SUGCT: variants seen among roughly 807,000 people sequenced by gnomAD.
SUGCT encodes the protein succinyl-CoA:glutarate-CoA transferase.
Under a neutral mutation model 55.0 loss-of-function variants are expected in SUGCT, and 41 were observed. The observed-to-expected ratio is 0.74, with a 90% CI of 0.58 to 0.97. SUGCT has a LOEUF of 0.97. SUGCT is among the 50% of genes least tolerant of loss of function. The pLI is 0.00. For missense variants in SUGCT, 568 were observed against 547.8 expected (o/e 1.04, Z -0.37); for synonymous variants, 187 against 200.4 (o/e 0.93, Z 0.56).
At chr7:41,016,629 T>C in the SUGCT span, among the ~76,000 whole-genome samples, 2 of 152,346 alleles carry the variant, frequency 1.3e-5, no homozygotes, top group East Asian at 3.9e-4. Context: ...GCAATAACTG[T>C]GGTTAACATC....
rs1792027760 is a variant in SUGCT at position 40,497,158 on chromosome 7, T to C, written c.1089+772T>C. Reference sequence around the variant, plus strand: ...TCCATTTTAAAGCTTTCACTATGATTATTCAACTGTCTTGTCAGTTTCCAA... The same window carrying C: ...TCCATTTTAAAGCTTTCACTATGATCATTCAACTGTCTTGTCAGTTTCCAA... On this transcript the variant is annotated intron_variant, in intron 12 of 13. Coordinates refer to ENST00000335693, the MANE Select transcript of SUGCT (RefSeq NM_001193313.2). Among the ~76,000 whole-genome samples, 4 of 152,204 alleles carry C rather than the reference T, an allele frequency of 2.6e-5. No homozygotes were observed. In the South Asian group the frequency reaches 8.3e-4, roughly 31 times the overall value.
intron 1 of SUGCT, among the ~76,000 whole-genome samples, chr7:40,169,181 CT>C (rs772580123): frequency 7.9e-5 from 12 of 152,106 alleles, no homozygotes; most frequent in Non-Finnish European, 1.8e-4. Context: ...ATGGCCCCTG[CT>C]TTTGCTAGGA....
At chr7:40,939,930 C>T in the SUGCT span, among the ~76,000 whole-genome samples, 2 of 151,104 alleles carry the variant, frequency 1.3e-5, no homozygotes, top group Admixed American at 6.6e-5. Flanking sequence ...CTTTTGAGTT[C>T]TTAGTTATAA....
At chr7:40,937,335 A>T in the SUGCT span, among the ~76,000 whole-genome samples, 4 of 151,910 alleles carry the variant, frequency 2.6e-5, no homozygotes, top group Non-Finnish European at 4.4e-5. Flanking sequence ...TGCCCAGCAA[A>T]TTTTTTTGTA....
At chr7:40,787,639 T>G (rs1340789032) in intron 13 of SUGCT, among the ~76,000 whole-genome samples, 3 of 103,482 alleles carry the variant, frequency 2.9e-5, no homozygotes, top group African/African-American at 1.1e-4. Flanking sequence ...TTGGAGAAAC[T>G]GGTAACCAAG....
intron 12 of SUGCT, among the ~76,000 whole-genome samples, chr7:40,638,536 T>A (rs17171750): frequency 0.2 from 30,732 of 152,058 alleles, 5,963 homozygotes; most frequent in African/African-American, 0.51. Flanking sequence ...TTCCAAGGTG[T>A]TAAAAGCTTG....
intron 8 of SUGCT, among the ~76,000 whole-genome samples, chr7:40,275,430 A>C (rs1792400221): frequency 6.6e-6 from 1 of 152,228 alleles, no homozygotes; most frequent in Non-Finnish European, 1.5e-5. Flanking sequence ...TCAATTTTGC[A>C]TTATTAAAAA....
intron 12 of SUGCT, among the ~76,000 whole-genome samples, chr7:40,515,834 A>G (rs1793201293): frequency 6.6e-6 from 1 of 152,240 alleles, no homozygotes; most frequent in Non-Finnish European, 1.5e-5. Context: ...TATGTACCTA[A>G]GAGTGGAATT....
intron 9 of SUGCT, among the ~76,000 whole-genome samples, chr7:40,388,687 A>G (rs1465473705): frequency 6.6e-6 from 1 of 152,302 alleles, no homozygotes; most frequent in East Asian, 1.9e-4. Flanking sequence ...AAGTGCCAGG[A>G]TTACAGGCAT....
At chr7:40,404,326 TA>T (rs1309393555) in intron 9 of SUGCT, among the ~76,000 whole-genome samples, 4 of 152,230 alleles carry the variant, frequency 2.6e-5, no homozygotes, top group African/African-American at 9.6e-5. Context: ...TTTTACTTGT[TA>T]GGCAAGGCTC....
intron 9 of SUGCT, chr7:40,388,232 G>C (rs1785229076): frequency 6.6e-6 from 1 of 152,082 alleles, no homozygotes; most frequent in African/African-American, 2.4e-5. Context: ...TTCATAAACT[G>C]CTAAAAAATA....
intron 13 of SUGCT, among the ~76,000 whole-genome samples, chr7:40,834,436 CACA>C (rs1271342327): frequency 6.6e-6 from 1 of 152,162 alleles, no homozygotes; most frequent in East Asian, 1.9e-4. Context: ...AAATAGGACA[CACA>C]ACGTTTCAAT....
chr7:40,458,750 G>A (rs746578984), intron 10 of SUGCT, among the ~76,000 whole-genome samples: 5 of 152,222 alleles, frequency 3.3e-5, no homozygotes, highest in Non-Finnish European at 4.4e-5. Context: ...ACCCAGTTTA[G>A]CATCTCTCTC....
intron 12 of SUGCT, among the ~76,000 whole-genome samples, chr7:40,684,723 A>G (rs1171646312): frequency 1.3e-5 from 2 of 152,096 alleles, no homozygotes; most frequent in Non-Finnish European, 2.9e-5. Flanking sequence ...TCCCTTCCCA[A>G]TATAATCTTA....
chr7:40,228,328 A>G (rs140804828), intron 6 of SUGCT, among the ~76,000 whole-genome samples: 3 of 152,268 alleles, frequency 2.0e-5, no homozygotes, highest in South Asian at 4.1e-4. Context: ...GTTGAGTTAT[A>G]TATTTCTTAA....
intron 13 of SUGCT, among the ~76,000 whole-genome samples, chr7:40,853,082 A>C (rs1462787385): frequency 1.3e-5 from 2 of 151,882 alleles, no homozygotes; most frequent in African/African-American, 2.4e-5. Flanking sequence ...ACTTCAAAAA[A>C]AAAAAAAAGA....
At chr7:40,602,453 G>C (rs371692855) in intron 12 of SUGCT, among the ~76,000 whole-genome samples, 1 of 152,114 alleles carries the variant, frequency 6.6e-6, no homozygotes, top group South Asian at 2.1e-4. Flanking sequence ...GGTAACGACT[G>C]GTCAGCTGCT....
chr7:40,516,401 C>T (rs1488671994), intron 12 of SUGCT, among the ~76,000 whole-genome samples: 2 of 152,038 alleles, frequency 1.3e-5, no homozygotes, highest in Non-Finnish European at 2.9e-5. Flanking sequence ...GTATCATATC[C>T]AAGAAACTAT....
downstream of SUGCT, among the ~76,000 whole-genome samples, chr7:40,865,692 C>T (rs546269746): frequency 3.0e-4 from 46 of 152,232 alleles, 1 homozygote; most frequent in South Asian, 1.2e-3. Flanking sequence ...ACAGTGTGAT[C>T]GGGGACTGTT....
Sources: gnomAD v4.1 joint callset for allele counts (sites outside exome capture counted in the v4.1 genomes callset) on GRCh38, gnomAD v4.1.1 for gene constraint, MANE v1.5 for transcripts, NCBI Gene and HGNC (gene_info 2026-07-23, HGNC 2026-07-21) for gene names.